GABRA2: variants seen among roughly 807,000 people sequenced by gnomAD.
GABRA2 encodes the protein gamma-aminobutyric acid type A receptor subunit alpha2.
Under a neutral mutation model 48.7 loss-of-function variants are expected in GABRA2, and 16 were observed. That is an observed-to-expected ratio of 0.33 (90% confidence interval 0.22 to 0.50). The LOEUF (loss-of-function observed/expected upper bound fraction) is 0.50, where lower values mean the gene tolerates loss of function less well. Among genes scored for constraint, GABRA2 ranks in the 20% least tolerant of loss-of-function variants. The pLI, the probability that GABRA2 is intolerant of heterozygous loss-of-function variation, is 0.98. For missense variants in GABRA2, 275 were observed against 535.6 expected, an observed-to-expected ratio of 0.51 and a Z score of 4.80; for synonymous variants, 185 against 184.5, an observed-to-expected ratio of 1.00 and a Z score of -0.02.
intron 4 of GABRA2, among the ~76,000 whole-genome samples, chr4:46,329,321 G>A (rs1730936762): frequency 6.6e-6 from 1 of 152,088 alleles, no homozygotes; most frequent in Non-Finnish European, 1.5e-5. Flanking sequence ...CTCCAATGTA[G>A]TCACAAGAGA....
chr4:46,275,178 T>G (rs772564031), intron 8 of GABRA2, among the ~76,000 whole-genome samples: 1 of 152,138 alleles, frequency 6.6e-6, no homozygotes, highest in Non-Finnish European at 1.5e-5. Context: ...AAACCCATCA[T>G]CTTAATGACC....
chr4:46,259,968 A>T (rs1716624473), intron 9 of GABRA2, among the ~76,000 whole-genome samples: 1 of 151,824 alleles, frequency 6.6e-6, no homozygotes, highest in Non-Finnish European at 1.5e-5. Context: ...TTTATGAAAC[A>T]TCTCTCAAAA....
At chr4:46,378,669 AT>A (rs1189318519) in intron 3 of GABRA2, among the ~76,000 whole-genome samples, 12 of 149,084 alleles carry the variant, frequency 8.0e-5, no homozygotes, top group African/African-American at 2.0e-4. Flanking sequence ...AAAAAAAAAA[AT>A]TTAAAAATTA....
In GABRA2 at chr4:46,305,664, A is replaced by T. The variant is rs1726557291; in HGVS notation, c.607T>A (p.Ser203Thr). The T allele has an allele frequency of 1.9e-6, 3 of 1,613,230 alleles. No individual in the cohort carries two copies. Among genetic ancestry groups the T allele is most frequent in the Non-Finnish European group, 2.5e-6 (3 of 1,179,328 alleles). The change falls in exon 7 of 10, where the codon TCT becomes ACT. Residue 203 changes from serine (S) to threonine (T), a missense_variant. Ser to Thr is a moderately conservative substitution (Grantham distance 58, BLOSUM62 1). Transcript: ENST00000381620. ...TCAGGAGCAACCTGTACTGAATCAG[A>T]TGCATTGTAAGTCCAAATATAAGTG... ...EVTYIWTYNASDSVQVAPDGS... is the reference protein window; with the variant it reads ...EVTYIWTYNATDSVQVAPDGS...
Position 46,289,395 on chromosome 4 carries a change from G to A in GABRA2, c.856+14065C>T, listed in dbSNP as rs138929963. On this transcript the variant is annotated intron_variant, in intron 8 of 9. Transcript: ENST00000381620. ...AAAAAAGAATGAGATCACGTCCTTT[G>A]CAGGAACATGGGTGGATCTGGAGGT... 5.6e-4 allele frequency among the ~76,000 whole-genome samples: 85 copies of A among 152,290 alleles called. 1 individual carries two copies. The highest frequency in any genetic ancestry group is 2.0e-3 in the African/African-American group (82 of 41,572).
Position 46,246,837 on chromosome 4 carries a change from C to T in GABRA2, c.*3471G>A, listed in dbSNP as rs934450282. The stretch of plus-strand genomic sequence containing the variant: ...CAAATTATTAATGGATGCCAAAGAA[C>T]CATGATAATGCAGAAGGTGACTTGA... On this transcript the variant is annotated 3_prime_UTR_variant, in exon 10 of 10. Coordinates refer to ENST00000381620, the MANE Select transcript of GABRA2 (RefSeq NM_000807.4). Among the ~76,000 whole-genome samples the T allele has an allele frequency of 3.3e-5, 5 of 151,046 alleles. No individual in the cohort carries two copies. The highest frequency in any genetic ancestry group is 7.4e-5 in the Non-Finnish European group (5 of 67,388).
At chr4:46,278,715 C>T (rs1187717087) in intron 8 of GABRA2, among the ~76,000 whole-genome samples, 1 of 151,976 alleles carries the variant, frequency 6.6e-6, no homozygotes, top group African/African-American at 2.4e-5. Flanking sequence ...TTATAGATTT[C>T]AAGGACTATA....
intron 4 of GABRA2, among the ~76,000 whole-genome samples, chr4:46,321,393 T>C (rs1002736947): frequency 1.3e-5 from 2 of 152,044 alleles, no homozygotes; most frequent in Admixed American, 1.3e-4. Context: ...CTATGCAAGA[T>C]GATGGATATG....
chr4:46,330,951 G>A lies in GABRA2; in HGVS notation c.255+1664C>T, dbSNP rs553939073. Reference sequence around the variant, plus strand: ...TACACTAAGACAGAGTATTTACTAGGACAAAATTATATCTATAGCCAAACA... The same window carrying A: ...TACACTAAGACAGAGTATTTACTAGAACAAAATTATATCTATAGCCAAACA... On this transcript the variant is annotated intron_variant, in intron 4 of 9. Coordinates refer to ENST00000381620, the MANE Select transcript of GABRA2 (RefSeq NM_000807.4). 2.1e-4 allele frequency among the ~76,000 whole-genome samples: 32 copies of A among 152,102 alleles called. 1 individual carries two copies. In the South Asian group the frequency reaches 6.4e-3, roughly 31 times the overall value.
chr4:46,368,535 G>C (rs1714405596), intron 3 of GABRA2: 1 of 158,188 alleles, frequency 6.3e-6, no homozygotes, highest in Admixed American at 6.3e-5. Context: ...ATAGTTCTGG[G>C]ACCAAACCAA....
In GABRA2 at chr4:46,310,183, T is replaced by A; in HGVS notation, c.549A>T (p.Lys183Asn). Residue 183 changes from lysine to asparagine, a missense_variant, in exon 6 of 10, where the codon AAA becomes AAT. By Grantham distance (94) the Lys-to-Asn change is moderately conservative. Coordinates refer to ENST00000381620, the MANE Select transcript of GABRA2 (RefSeq NM_000807.4). ...CATCCCTGTACTTACAGCTGCCAAA[T>A]TTCAGAGGACATGAATGAGCATCCA... Reference protein sequence around the residue: ...FPMDAHSCPLKFGSYAYTTSE... With the variant: ...FPMDAHSCPLNFGSYAYTTSE... 6.2e-7 allele frequency: 1 copy of A among 1,612,944 alleles called. No individual in the cohort carries two copies. Among genetic ancestry groups the A allele is most frequent in the Non-Finnish European group, 8.5e-7 (1 of 1,179,114 alleles).
chr4:46,327,089 G>T (rs1730518182), intron 4 of GABRA2, among the ~76,000 whole-genome samples: 2 of 151,832 alleles, frequency 1.3e-5, no homozygotes. Flanking sequence ...TAGTAAAACA[G>T]ATTTCTAACT....
At chr4:46,343,522 T>A (rs1286000674) in intron 3 of GABRA2, among the ~76,000 whole-genome samples, 2 of 151,838 alleles carry the variant, frequency 1.3e-5, no homozygotes, top group East Asian at 3.9e-4. Context: ...GATTCAAAGA[T>A]ATTGATATAA....
rs369379281 is a variant in GABRA2, at chr4:46,283,660, CT to C, written c.856+19799del. On this transcript the variant is annotated intron_variant, in intron 8 of 9. Transcript: ENST00000381620. ...AAGTAGCTAATGTCTTCAAATGTAC[CT>C]TGAATTCTGTATGAAACGAAATGCA... is the stretch of plus-strand genomic sequence containing the variant. 2.4e-3 allele frequency among the ~76,000 whole-genome samples: 371 copies of C among 152,256 alleles called. 1 individual carries two copies. Among genetic ancestry groups the C allele is most frequent in the Non-Finnish European group, 4.0e-3 (269 of 68,020 alleles).
chr4:46,387,403 C>A (rs1264885049), intron 2 of GABRA2, among the ~76,000 whole-genome samples: 4 of 152,086 alleles, frequency 2.6e-5, no homozygotes, highest in Admixed American at 2.6e-4. Flanking sequence ...TAAATAGTCA[C>A]AATACATCAA....
rs547903904 is a variant in GABRA2, at chr4:46,247,414, T to C, written c.*2894A>G. 3.1e-4 allele frequency among the ~76,000 whole-genome samples: 47 copies of C among 151,276 alleles called. No individual in the cohort carries two copies. Among genetic ancestry groups the C allele is most frequent in the African/African-American group, 7.5e-4 (31 of 41,442 alleles). On this transcript the variant is annotated 3_prime_UTR_variant, in exon 10 of 10. Coordinates refer to ENST00000381620, the MANE Select transcript of GABRA2 (RefSeq NM_000807.4). ...TTATAAGAATGAGATGCACTTAAAA[T>C]TTCAACTAAATTCAGTGGGTGTGAC...
intron 7 of GABRA2, among the ~76,000 whole-genome samples, chr4:46,303,883 T>C (rs948567290): frequency 6.6e-6 from 1 of 152,170 alleles, no homozygotes; most frequent in African/African-American, 2.4e-5. Flanking sequence ...CTAGAAGTGT[T>C]TCAGGGTTTG....
At chr4:46,332,084 T>C (rs1168140965) in intron 4 of GABRA2, among the ~76,000 whole-genome samples, 4 of 152,142 alleles carry the variant, frequency 2.6e-5, no homozygotes, top group Non-Finnish European at 5.9e-5. Flanking sequence ...GTACCAACAT[T>C]CTAATTTTTT....
At chr4:46,377,290 G>T (rs1201522785) in intron 3 of GABRA2, among the ~76,000 whole-genome samples, 3 of 149,290 alleles carry the variant, frequency 2.0e-5, no homozygotes, top group Non-Finnish European at 4.5e-5. Context: ...AGGAAGTGAG[G>T]AGCGCCTCTT....
Sources: gnomAD v4.1 joint callset for allele counts (sites outside exome capture counted in the v4.1 genomes callset) on GRCh38, gnomAD v4.1.1 for gene constraint, MANE v1.5 for transcripts, NCBI Gene and HGNC (gene_info 2026-07-23, HGNC 2026-07-21) for gene names.